KAT14: variants seen among roughly 807,000 people sequenced by gnomAD.
KAT14 encodes lysine acetyltransferase 14.
KAT14 carries 66 observed loss-of-function variants against 78.4 expected under a neutral mutation model. The observed-to-expected ratio is 0.84, with a 90% CI of 0.69 to 1.03. The LOEUF (loss-of-function observed/expected upper bound fraction) is 1.03. Ranked by LOEUF, KAT14 falls within the 50% of genes least tolerant of loss-of-function variation. The pLI is 0.00. For missense variants in KAT14, 870 were observed against 972.5 expected (o/e 0.89, Z 1.40); for synonymous variants, 344 against 359.4 (o/e 0.96, Z 0.48).
At chr20:18,174,419 T>TA (rs1374574682) in intron 7 of KAT14, among the ~76,000 whole-genome samples, 1 of 152,214 alleles carries the variant, frequency 6.6e-6, no homozygotes, top group Non-Finnish European at 1.5e-5. Context: ...TGTGCCGTTT[T>TA]ACATTCCCAC....
chr20:18,183,351 A>G (rs117891212), intron 9 of KAT14, 53 bp downstream of exon 9: 15,722 of 1,502,570 alleles, frequency 0.01, 108 homozygotes, highest in Non-Finnish European at 0.013. Flanking sequence ...AGTCCATTCT[A>G]GCAATTTTTA....
chr20:18,157,981 G>C (rs4814702), intron 4 of KAT14, among the ~76,000 whole-genome samples: 33,755 of 151,856 alleles, frequency 0.22, 4,438 homozygotes, highest in East Asian at 0.52. Context: ...CTTGTTGCCC[G>C]GGCTGGAGTG....
chr20:18,178,735 G>A (rs909402180), intron 7 of KAT14, among the ~76,000 whole-genome samples: 25 of 144,062 alleles, frequency 1.7e-4, no homozygotes, highest in Non-Finnish European at 3.7e-4. Flanking sequence ...GAGACACAGA[G>A]CCAAACCATA....
intron 7 of KAT14, among the ~76,000 whole-genome samples, chr20:18,167,856 T>A (rs1249418688): frequency 6.6e-6 from 1 of 150,814 alleles, no homozygotes; most frequent in East Asian, 1.9e-4. Context: ...TTATTTTTCC[T>A]TATTCTTTTT....
At chr20:18,180,854 T>C (rs1295803574) in intron 7 of KAT14, among the ~76,000 whole-genome samples, 3 of 152,186 alleles carry the variant, frequency 2.0e-5, no homozygotes, top group African/African-American at 7.2e-5. Context: ...ACCAGGTCCC[T>C]CCCACAACAC....
At chr20:18,158,062 G>A (rs545202740) in intron 4 of KAT14, among the ~76,000 whole-genome samples, 10 of 152,164 alleles carry the variant, frequency 6.6e-5, no homozygotes, top group South Asian at 6.2e-4. Flanking sequence ...TCACCCTCCC[G>A]AGTAGCTGGG....
chr20:18,141,051 T>TTTTTTTTTTTTTTTTTG (rs58888387), intron 1 of KAT14, among the ~76,000 whole-genome samples: 125 of 109,690 alleles, frequency 1.1e-3, no homozygotes, highest in Non-Finnish European at 1.4e-3. Flanking sequence ...TTTTTTATTT[T>TTTTTTTTTTTTTTTTTG]TATTTTTGCT....
Position 18,187,439 on chromosome 20 carries a change from T to G in KAT14, c.2326T>G (p.Phe776Val). Residue 776 changes from phenylalanine to valine, a missense_variant, in exon 11 of 11, where the codon TTT becomes GTT. By Grantham distance (50) the Phe-to-Val change is conservative. Transcript: ENST00000688188. ...GAGTACAGAGTGTAAACACGCATTC[T>G]TTCTGAGGCTCCGGCGCTGATGCGA... ...LESTECKHAF[F>V]LRLRR 1 of 1,614,180 alleles carries G rather than the reference T, an allele frequency of 6.2e-7. No individual in the cohort carries two copies. The highest frequency in any genetic ancestry group is 8.5e-7 in the Non-Finnish European group (1 of 1,180,030).
At chr20:18,145,831 G>C (rs1184179756) in intron 3 of KAT14, among the ~76,000 whole-genome samples, 2 of 152,004 alleles carry the variant, frequency 1.3e-5, no homozygotes, top group African/African-American at 4.8e-5. Context: ...GGCTTGAGAG[G>C]CTTGAGAATC....
At chr20:18,168,328 G>A (rs1458427723) in intron 7 of KAT14, among the ~76,000 whole-genome samples, 1 of 152,080 alleles carries the variant, frequency 6.6e-6, no homozygotes, top group Non-Finnish European at 1.5e-5. Flanking sequence ...AGGAATTTGA[G>A]ACCAGCCTGG....
chr20:18,141,352 G>A (rs908281203), intron 1 of KAT14, among the ~76,000 whole-genome samples: 2 of 151,802 alleles, frequency 1.3e-5, no homozygotes, highest in Non-Finnish European at 2.9e-5. Context: ...TATTTTTTCC[G>A]CTGGTAGTAG....
intron 7 of KAT14, among the ~76,000 whole-genome samples, chr20:18,175,487 T>G (rs151096736): frequency 6.6e-6 from 1 of 152,206 alleles, no homozygotes; most frequent in Non-Finnish European, 1.5e-5. Flanking sequence ...GCCTCACTCG[T>G]ACCCAGCCAC....
chr20:18,147,363 T>C (rs2146360896), intron 3 of KAT14, among the ~76,000 whole-genome samples: 1 of 152,344 alleles, frequency 6.6e-6, no homozygotes, highest in African/African-American at 2.4e-5. Context: ...AAGATCTTAT[T>C]AATAGATTAT....
chr20:18,184,100 T>A (rs1251896875), intron 9 of KAT14, among the ~76,000 whole-genome samples: 3 of 152,220 alleles, frequency 2.0e-5, no homozygotes, highest in African/African-American at 7.2e-5. Flanking sequence ...TTCCATACAT[T>A]ATGCACAGAA....
chr20:18,142,622 G>T lies in KAT14; in HGVS notation c.-39G>T. ...GGGTCACTGTCCAGTGCTTAGGGTT[G>T]TTACTGAGAAGCACTGCCGAGCTTG... On this transcript the variant is annotated 5_prime_UTR_variant, in exon 2 of 11. Transcript: ENST00000688188. 1 of 1,612,262 alleles carries T rather than the reference G, an allele frequency of 6.2e-7. No homozygotes were observed. The highest frequency in any genetic ancestry group is 8.5e-7 in the Non-Finnish European group (1 of 1,178,760).
At chr20:18,160,801 G>A (rs2038391130) in intron 5 of KAT14, among the ~76,000 whole-genome samples, 1 of 151,900 alleles carries the variant, frequency 6.6e-6, no homozygotes, top group South Asian at 2.1e-4. Context: ...ATGTGAAAAT[G>A]TGATAAATTC....
intron 7 of KAT14, among the ~76,000 whole-genome samples, chr20:18,180,407 CA>C (rs2146522072): frequency 6.6e-6 from 1 of 152,290 alleles, no homozygotes; most frequent in South Asian, 2.1e-4. Context: ...TTGTCAAAGC[CA>C]TTCAACAAAT....
chr20:18,140,684 C>T (rs964036626), intron 1 of KAT14, among the ~76,000 whole-genome samples: 2 of 151,608 alleles, frequency 1.3e-5, no homozygotes, highest in Admixed American at 1.3e-4. Flanking sequence ...TGGTGGCGCA[C>T]GCCTGTAATC....
Position 18,184,805 on chromosome 20 carries a change from T to C in KAT14, c.2172+13T>C. On this transcript the variant is annotated intron_variant, in intron 10 of 10. Transcript: ENST00000688188. ...TCATCTGATTCAGGTAAGTTGTCTA[T>C]GTTTATGATTTATCACCTGTGTCTG... 8 of 1,593,216 alleles carry C rather than the reference T, an allele frequency of 5.0e-6. No individual in the cohort carries two copies. Among genetic ancestry groups the C allele is most frequent in the East Asian group, 4.5e-5 (2 of 44,192 alleles).
Sources: allele counts gnomAD v4.1 joint callset (sites outside exome capture counted in the v4.1 genomes callset), GRCh38; gene constraint gnomAD v4.1.1; transcripts MANE v1.5; gene names NCBI Gene and HGNC (gene_info 2026-07-23, HGNC 2026-07-21).